GALNT13: variants seen among roughly 807,000 people sequenced by gnomAD.
The protein encoded by GALNT13 is polypeptide N-acetylgalactosaminyltransferase 13.
In GALNT13, 28 loss-of-function variants were observed where a neutral mutation model predicts 64.2. The ratio of observed to expected loss-of-function variants is 0.44; its 90% CI spans 0.32 to 0.60. The LOEUF is 0.60. Ranked by LOEUF, GALNT13 falls within the 20% of genes least tolerant of loss-of-function variation. GALNT13 has a pLI of 0.05. For synonymous variants in GALNT13, 214 were observed against 224.6 expected, an observed-to-expected ratio of 0.95 and a Z score of 0.42; for missense variants, 577 against 669.8, an observed-to-expected ratio of 0.86 and a Z score of 1.53.
the GALNT13 span, among the ~76,000 whole-genome samples, chr2:153,561,568 GGTGCTCAAAAATTTCA>G: frequency 6.6e-6 from 1 of 151,668 alleles, no homozygotes; most frequent in African/African-American, 2.4e-5. Flanking sequence ...GTGTCACATT[GGTGCTCAAAAATTTCA>G]GATTTTAGAG....
intron 2 of GALNT13, among the ~76,000 whole-genome samples, chr2:153,908,630 C>T (rs1688738815): frequency 6.6e-6 from 1 of 152,058 alleles, no homozygotes; most frequent in Admixed American, 6.6e-5. Flanking sequence ...TATCCAAGCA[C>T]ACTCCCATTG....
At chr2:153,531,539 T>C in the GALNT13 span, among the ~76,000 whole-genome samples, 1 of 152,182 alleles carries the variant, frequency 6.6e-6, no homozygotes, top group African/African-American at 2.4e-5. Flanking sequence ...ACCATACCAC[T>C]CTGCTCCCAA....
intron 3 of GALNT13, among the ~76,000 whole-genome samples, chr2:154,127,967 A>T (rs1682390656): frequency 6.6e-6 from 1 of 151,908 alleles, no homozygotes; most frequent in South Asian, 2.1e-4. Flanking sequence ...GCACTGTGTT[A>T]TTTCATATTG....
At chr2:153,255,521 G>C in the GALNT13 span, among the ~76,000 whole-genome samples, 1 of 151,314 alleles carries the variant, frequency 6.6e-6, no homozygotes, top group South Asian at 2.1e-4. Flanking sequence ...TATGATGTTA[G>C]CTGGTTATTT....
chr2:153,222,014 T>C, the GALNT13 span, among the ~76,000 whole-genome samples: 2 of 151,862 alleles, frequency 1.3e-5, no homozygotes, highest in African/African-American at 2.4e-5. Flanking sequence ...GAGCAGGGGA[T>C]GGGGAGGCGT....
chr2:153,953,993 C>A (rs1030191505), intron 3 of GALNT13, among the ~76,000 whole-genome samples: 1 of 152,000 alleles, frequency 6.6e-6, no homozygotes, highest in African/African-American at 2.4e-5. Flanking sequence ...ACATGTTTGG[C>A]AAAAGGCTGT....
At chr2:153,396,865 A>G in the GALNT13 span, among the ~76,000 whole-genome samples, 1 of 152,246 alleles carries the variant, frequency 6.6e-6, no homozygotes, top group South Asian at 2.1e-4. Context: ...TTTGCCAGCC[A>G]TTTGTGTTTG....
the GALNT13 span, among the ~76,000 whole-genome samples, chr2:153,333,310 T>A: frequency 6.6e-6 from 1 of 152,206 alleles, no homozygotes; most frequent in East Asian, 1.9e-4. Flanking sequence ...CCTGGGCCCT[T>A]GGATCCCAAG....
At chr2:154,140,233 A>T (rs1366807077) in intron 3 of GALNT13, 104 bp from the exon 4 acceptor site, 2 of 777,422 alleles carry the variant, frequency 2.6e-6, no homozygotes, top group Admixed American at 2.9e-5. Context: ...TAAAACCTGT[A>T]TGTAAATAAT....
chr2:153,271,540 G>C, the GALNT13 span, among the ~76,000 whole-genome samples: 1 of 152,158 alleles, frequency 6.6e-6, no homozygotes, highest in African/African-American at 2.4e-5. Context: ...AATAAAATAC[G>C]TAGGAATGCA....
chr2:153,432,177 T>C, the GALNT13 span, among the ~76,000 whole-genome samples: 1 of 152,230 alleles, frequency 6.6e-6, no homozygotes, highest in African/African-American at 2.4e-5. Context: ...CTAGAGTGGA[T>C]TCTTACAGAG....
chr2:153,823,275 C>A, the GALNT13 span, among the ~76,000 whole-genome samples: 1 of 152,074 alleles, frequency 6.6e-6, no homozygotes, highest in Admixed American at 6.5e-5. Flanking sequence ...AAAACATATT[C>A]AAAAATTCAT....
intron 3 of GALNT13, among the ~76,000 whole-genome samples, chr2:154,020,186 A>G (rs1476253834): frequency 6.6e-6 from 1 of 152,198 alleles, no homozygotes; most frequent in African/African-American, 2.4e-5. Flanking sequence ...TTATAGCAGC[A>G]TGATTTATAA....
chr2:153,848,050 A>G, the GALNT13 span, among the ~76,000 whole-genome samples: 2 of 152,210 alleles, frequency 1.3e-5, no homozygotes, highest in African/African-American at 4.8e-5. Flanking sequence ...AGGTACTTCA[A>G]GCTCTTTCTA....
the GALNT13 span, among the ~76,000 whole-genome samples, chr2:153,465,622 GT>G: frequency 6.6e-6 from 1 of 151,682 alleles, no homozygotes; most frequent in Non-Finnish European, 1.5e-5. Flanking sequence ...CTCTGAGCCA[GT>G]TTAATTTTCC....
At chr2:153,190,702 A>G in the GALNT13 span, among the ~76,000 whole-genome samples, 2 of 152,046 alleles carry the variant, frequency 1.3e-5, no homozygotes, top group Non-Finnish European at 2.9e-5. Context: ...AATTCTCTCA[A>G]TCTATGAGCC....
At chr2:154,197,533 C>A (rs1686945516) in intron 4 of GALNT13, among the ~76,000 whole-genome samples, 1 of 151,842 alleles carries the variant, frequency 6.6e-6, no homozygotes, top group South Asian at 2.1e-4. Flanking sequence ...TAGTCAATTC[C>A]AGATGATTAA....
chr2:154,279,192 T>C (rs1036610462), intron 8 of GALNT13, among the ~76,000 whole-genome samples: 1 of 152,072 alleles, frequency 6.6e-6, no homozygotes, highest in Non-Finnish European at 1.5e-5. Context: ...TCTTATTCTA[T>C]AGTTGAAGGT....
At chr2:154,208,353 A>G (rs62171197) in intron 4 of GALNT13, among the ~76,000 whole-genome samples, 4,848 of 152,312 alleles carry the variant, frequency 0.032, 104 homozygotes, top group East Asian at 0.13. Flanking sequence ...TTGCATTTGT[A>G]TACAAATAAA....
Sources: gnomAD v4.1 joint callset for allele counts (sites outside exome capture counted in the v4.1 genomes callset) on GRCh38, gnomAD v4.1.1 for gene constraint, MANE v1.5 for transcripts, NCBI Gene and HGNC (gene_info 2026-07-23, HGNC 2026-07-21) for gene names.